QKI: variants seen among roughly 807,000 people sequenced by gnomAD.
The protein encoded by QKI is QKI, KH domain containing RNA binding, also known as KH domain-containing RNA-binding protein QKI.
Under a neutral mutation model 39.0 loss-of-function variants are expected in QKI, and 10 were observed. That is an observed-to-expected ratio of 0.26 (90% CI 0.16 to 0.43). The LOEUF (loss-of-function observed/expected upper bound fraction) is 0.43. Among genes scored for constraint, QKI ranks in the 20% least tolerant of loss-of-function variants. The probability of loss-of-function intolerance (pLI) is 1.00; values close to 1 mark genes in which losing one functional copy is unlikely to be tolerated. For missense variants in QKI, 218 were observed against 428.0 expected, an observed-to-expected ratio of 0.51 and a Z score of 4.33; for synonymous variants, 204 against 155.4, an observed-to-expected ratio of 1.31 and a Z score of -2.33.
chr6:163,421,333 C>G (rs184204282), intron 1 of QKI, among the ~76,000 whole-genome samples: 1 of 152,170 alleles, frequency 6.6e-6, no homozygotes, highest in East Asian at 1.9e-4. Flanking sequence ...CTTGTCAGTC[C>G]TTATACCAAA....
chr6:163,529,179 A>G (rs961350394), intron 3 of QKI, among the ~76,000 whole-genome samples: 37 of 152,192 alleles, frequency 2.4e-4, no homozygotes, highest in African/African-American at 8.4e-4. Context: ...CTGGTAACTA[A>G]GGAGAAAGAA....
intron 4 of QKI, among the ~76,000 whole-genome samples, chr6:163,558,503 G>A (rs769558526): frequency 4.6e-5 from 7 of 150,964 alleles, no homozygotes; most frequent in East Asian, 1.9e-4. Context: ...AAGTTCAAGC[G>A]ATTCTCTTTC....
At chr6:163,470,985 A>G (rs1161657782) in intron 2 of QKI, among the ~76,000 whole-genome samples, 3 of 152,176 alleles carry the variant, frequency 2.0e-5, no homozygotes, top group Admixed American at 1.3e-4. Context: ...TTTCAGAACT[A>G]TAAAACCAAA....
intron 3 of QKI, among the ~76,000 whole-genome samples, chr6:163,515,642 A>G (rs979168071): frequency 6.6e-6 from 1 of 152,194 alleles, no homozygotes; most frequent in Non-Finnish European, 1.5e-5. Flanking sequence ...ATATTTGATT[A>G]GTGATAAAAA....
intron 2 of QKI, among the ~76,000 whole-genome samples, chr6:163,476,448 G>A (rs1391542232): frequency 6.6e-5 from 10 of 152,108 alleles, no homozygotes; most frequent in African/African-American, 2.4e-4. Context: ...TGAATTAGGA[G>A]CTTGTGTTCA....
intron 3 of QKI, among the ~76,000 whole-genome samples, chr6:163,480,259 T>TC (rs1792972617): frequency 3.3e-5 from 5 of 149,470 alleles, no homozygotes; most frequent in African/African-American, 1.2e-4. Context: ...GTCTGTCTCT[T>TC]TCTCTCTCTC....
intron 3 of QKI, among the ~76,000 whole-genome samples, chr6:163,489,583 A>G (rs1394474404): frequency 6.6e-6 from 1 of 152,018 alleles, no homozygotes; most frequent in Non-Finnish European, 1.5e-5. Flanking sequence ...CTTACTTGAA[A>G]TGGTACCATT....
chr6:163,508,412 A>G (rs1562497449), intron 3 of QKI, among the ~76,000 whole-genome samples: 1 of 152,180 alleles, frequency 6.6e-6, no homozygotes, highest in African/African-American at 2.4e-5. Context: ...TACACACCAT[A>G]TATAGGGGAA....
At chr6:163,545,742 A>G (rs1164437814) in intron 4 of QKI, among the ~76,000 whole-genome samples, 1 of 152,050 alleles carries the variant, frequency 6.6e-6, no homozygotes, top group Non-Finnish European at 1.5e-5. Context: ...TCAGGTTGAC[A>G]AAAGGTTTAG....
chr6:163,472,150 GATAAC>G (rs759869198), intron 2 of QKI, among the ~76,000 whole-genome samples: 167 of 152,154 alleles, frequency 1.1e-3, no homozygotes, highest in Admixed American at 2.6e-3. Context: ...AAGCCTTACC[GATAAC>G]ATAAACAGTT....
At chr6:163,452,846 G>A (rs1250800689) in intron 1 of QKI, among the ~76,000 whole-genome samples, 1 of 152,112 alleles carries the variant, frequency 6.6e-6, no homozygotes, top group Non-Finnish European at 1.5e-5. Context: ...TCCTGCCTCA[G>A]CCTCCTGAGT....
At chr6:163,485,621 C>G (rs1777611886) in intron 3 of QKI, among the ~76,000 whole-genome samples, 1 of 152,116 alleles carries the variant, frequency 6.6e-6, no homozygotes, top group South Asian at 2.1e-4. Context: ...CTTGTGGGTT[C>G]CTCCTTCTCA....
intron 3 of QKI, among the ~76,000 whole-genome samples, chr6:163,481,984 A>T (rs533167194): frequency 6.6e-6 from 1 of 152,252 alleles, no homozygotes; most frequent in South Asian, 2.1e-4. Context: ...TTGAAGACCA[A>T]CAAGGTCAAC....
intron 3 of QKI, among the ~76,000 whole-genome samples, chr6:163,500,945 G>A (rs1388919321): frequency 1.3e-5 from 2 of 152,042 alleles, no homozygotes; most frequent in East Asian, 1.9e-4. Context: ...CAATGTATGC[G>A]TGATTCTCCA....
chr6:163,457,788 G>A (rs544670024), intron 2 of QKI, among the ~76,000 whole-genome samples: 1 of 151,906 alleles, frequency 6.6e-6, no homozygotes, highest in African/African-American at 2.4e-5. Flanking sequence ...CTTGTGGAGT[G>A]GACATTTCAG....
chr6:163,505,578 C>T (rs77922636), intron 3 of QKI, among the ~76,000 whole-genome samples: 5,923 of 152,210 alleles, frequency 0.039, 399 homozygotes, highest in African/African-American at 0.14. Flanking sequence ...ACTGCCTACC[C>T]GGGTTTTGGA....
intron 2 of QKI, among the ~76,000 whole-genome samples, chr6:163,469,044 T>G (rs2128222747): frequency 6.6e-6 from 1 of 152,282 alleles, no homozygotes; most frequent in East Asian, 1.9e-4. Context: ...CAATAGTGAT[T>G]GTTTCATTTT....
intron 2 of QKI, among the ~76,000 whole-genome samples, chr6:163,473,243 T>G (rs1792338324): frequency 6.6e-6 from 1 of 152,168 alleles, no homozygotes; most frequent in African/African-American, 2.4e-5. Flanking sequence ...CAACAAGTTT[T>G]AGTCCAAGCT....
At chr6:163,415,502 G>A (rs1178401163) in intron 1 of QKI, among the ~76,000 whole-genome samples, 167 bp downstream of exon 1, 1 of 149,860 alleles carries the variant, frequency 6.7e-6, no homozygotes, top group East Asian at 2.0e-4. Flanking sequence ...CCGGGCTTGC[G>A]GCGGGCGGGC....
Sources: gnomAD v4.1 joint callset for allele counts (sites outside exome capture counted in the v4.1 genomes callset) on GRCh38, gnomAD v4.1.1 for gene constraint, MANE v1.5 for transcripts, NCBI Gene and HGNC (gene_info 2026-07-23, HGNC 2026-07-21) for gene names.